The following NT5C2 variants were observed in gnomAD, a reference collection of about 807,000 sequenced individuals.
NT5C2 encodes cytosolic purine 5'-nucleotidase.
A neutral mutation model predicts 76.1 loss-of-function variants in NT5C2; 58 were observed. That is an observed-to-expected ratio of 0.76 (90% CI 0.62 to 0.95). The LOEUF (loss-of-function observed/expected upper bound fraction) is 0.95, where lower values mean the gene tolerates loss of function less well. NT5C2 is among the 40% of genes least tolerant of loss of function. NT5C2 has a pLI of 0.00. For missense variants in NT5C2, 478 were observed against 690.3 expected, an observed-to-expected ratio of 0.69 and a Z score of 3.45; for synonymous variants, 229 against 237.4, an observed-to-expected ratio of 0.96 and a Z score of 0.32.
intron 3 of NT5C2, among the ~76,000 whole-genome samples, chr10:103,164,941 T>C (rs538213362): frequency 2.0e-5 from 3 of 152,242 alleles, no homozygotes; most frequent in South Asian, 4.1e-4. Flanking sequence ...AAAGAGAGAG[T>C]GCTTTAGGAT....
intron 3 of NT5C2, among the ~76,000 whole-genome samples, chr10:103,161,322 C>A (rs2084818801): frequency 6.6e-6 from 1 of 152,004 alleles, no homozygotes; most frequent in South Asian, 2.1e-4. Context: ...GGACTACAGG[C>A]ATGCACCACC....
intron 1 of NT5C2, among the ~76,000 whole-genome samples, chr10:103,189,658 C>CT (rs959567653): frequency 1.3e-5 from 2 of 149,156 alleles, no homozygotes; most frequent in African/African-American, 2.5e-5. Context: ...ATTTTTTTAA[C>CT]TTTTTTCTTT....
At chr10:103,103,287 G>C (rs561819618) in intron 6 of NT5C2, among the ~76,000 whole-genome samples, 1 of 152,304 alleles carries the variant, frequency 6.6e-6, no homozygotes, top group East Asian at 1.9e-4. Context: ...ACTCTTCTGA[G>C]ATGAGAGTTC....
chr10:103,088,069 A>C lies in NT5C2; in HGVS notation c.*1603T>G, dbSNP rs563129336. The stretch of plus-strand genomic sequence containing the variant: ...CTTGAATATTTATTTCCTTTAAGAG[A>C]ATATCAAACTGATGTCACCAAATCT... On this transcript the variant is annotated 3_prime_UTR_variant, in exon 19 of 19. Coordinates refer to ENST00000404739, the MANE Select transcript of NT5C2 (RefSeq NM_001351169.2). 1 of 152,372 alleles carries C rather than the reference A, an allele frequency of 6.6e-6. No homozygotes were observed. Among genetic ancestry groups the C allele is most frequent in the East Asian group, 1.9e-4 (1 of 5,196 alleles). The allele number at this position is 152,372 out of a possible 1,614,324, so 9.4% of individuals were successfully genotyped here.
At chr10:103,154,601 A>AATCT (rs746740513) in intron 3 of NT5C2, among the ~76,000 whole-genome samples, 1 of 152,100 alleles carries the variant, frequency 6.6e-6, no homozygotes, top group Non-Finnish European at 1.5e-5. Context: ...TGAGCGTTTT[A>AATCT]ATCTATAAAA....
At position 103,089,324 on chromosome 10, in the gene NT5C2, C is replaced by T. The variant is rs2066114363; in HGVS notation, c.*348G>A. 8.1e-6 allele frequency: 2 copies of T among 248,142 alleles called. No individual in the cohort carries two copies. The highest frequency in any genetic ancestry group is 1.6e-5 in the Non-Finnish European group (2 of 128,752). 15.4% of individuals were successfully genotyped at this position (248,142 alleles called of 1,614,324 possible). On this transcript the variant is annotated 3_prime_UTR_variant, in exon 19 of 19. Transcript: ENST00000404739. ...GATCACCTCTTCCCACTCTTTGTTC[C>T]ACTCTGAGACTCTTTCCTTTTCCTC...
At chr10:103,178,166 T>C (rs1017365582) in intron 2 of NT5C2, among the ~76,000 whole-genome samples, 1 of 152,222 alleles carries the variant, frequency 6.6e-6, no homozygotes, top group Non-Finnish European at 1.5e-5. Flanking sequence ...GCTCTCCTTT[T>C]GTGGAAAAGT....
chr10:103,119,738 G>C (rs1005962376), intron 4 of NT5C2, among the ~76,000 whole-genome samples: 3 of 152,086 alleles, frequency 2.0e-5, no homozygotes, highest in African/African-American at 7.2e-5. Context: ...TCATCAAAGA[G>C]TTTCATCGTT....
intron 3 of NT5C2, among the ~76,000 whole-genome samples, chr10:103,161,058 A>G (rs1054204469): frequency 6.6e-6 from 1 of 152,212 alleles, no homozygotes; most frequent in East Asian, 1.9e-4. Flanking sequence ...TGGAACATTC[A>G]TACACTGCTA....
intron 1 of NT5C2, among the ~76,000 whole-genome samples, chr10:103,183,275 A>ATATATTATATATATATATAT (rs1554841686): frequency 9.5e-5 from 10 of 104,922 alleles, no homozygotes; most frequent in African/African-American, 3.2e-4. Flanking sequence ...ATATATATAT[A>ATATATTATATATATATATAT]TATATATATA....
chr10:103,178,417 T>A (rs1390208384), intron 2 of NT5C2, among the ~76,000 whole-genome samples: 1 of 151,828 alleles, frequency 6.6e-6, no homozygotes, highest in African/African-American at 2.4e-5. Context: ...TGGTGGTCCG[T>A]ATCTGTAGTC....
intron 2 of NT5C2, among the ~76,000 whole-genome samples, chr10:103,179,138 G>A (rs1020793006): frequency 4.7e-5 from 7 of 150,126 alleles, no homozygotes; most frequent in East Asian, 4.1e-4. Flanking sequence ...TAGTACAGAC[G>A]GAGTTTCACC....
chr10:103,123,957 G>A (rs2076197936), intron 4 of NT5C2, among the ~76,000 whole-genome samples: 1 of 152,036 alleles, frequency 6.6e-6, no homozygotes, highest in Non-Finnish European at 1.5e-5. Flanking sequence ...ATTTGTGAAG[G>A]GCTTAAATAA....
At chr10:103,095,567 T>C (rs1207256416) in intron 12 of NT5C2, among the ~76,000 whole-genome samples, 1 of 152,214 alleles carries the variant, frequency 6.6e-6, no homozygotes, top group African/African-American at 2.4e-5. Context: ...AGAATACACA[T>C]ACATTTTCTG....
chr10:103,180,166 T>C (rs2135186880), intron 2 of NT5C2, among the ~76,000 whole-genome samples: 1 of 152,320 alleles, frequency 6.6e-6, no homozygotes, highest in East Asian at 1.9e-4. Context: ...TTAACATCAT[T>C]TGTCACTAGG....
At chr10:103,093,823 T>G in intron 14 of NT5C2, 149 bp downstream of exon 14, 1 of 603,354 alleles carries the variant, frequency 1.7e-6, no homozygotes, top group South Asian at 2.2e-5. Flanking sequence ...AGACTCCTAT[T>G]GCATTAAGAG....
chr10:103,109,738 T>C (rs903185523), intron 4 of NT5C2, among the ~76,000 whole-genome samples: 76 of 152,282 alleles, frequency 5.0e-4, no homozygotes, highest in African/African-American at 1.8e-3. Flanking sequence ...AGAAATTAGG[T>C]AACTATAGAG....
chr10:103,101,282 T>C lies in NT5C2; in HGVS notation c.434A>G (p.Asp145Gly). 1 of 1,609,732 alleles carries C rather than the reference T, an allele frequency of 6.2e-7. No individual in the cohort carries two copies. Among genetic ancestry groups the C allele is most frequent in the Non-Finnish European group, 8.5e-7 (1 of 1,176,618 alleles). The change falls in exon 7 of 19, where the codon GAT becomes GGT. Residue 145 changes from aspartate to glycine, a missense_variant. By Grantham distance (94) the Asp-to-Gly change is moderately conservative. Transcript: ENST00000404739. Reference protein sequence around the residue: ...EQYPNKFIQRDDTERFYILNT... With the variant: ...EQYPNKFIQRGDTERFYILNT... ...CAGAATGTAAAATCTTTCAGTATCA[T>C]CTCGCTGGATAAATTTATTTGGATA...
chr10:103,191,162 C>T (rs370930329), intron 1 of NT5C2, among the ~76,000 whole-genome samples: 3 of 152,136 alleles, frequency 2.0e-5, no homozygotes, highest in African/African-American at 7.2e-5. Flanking sequence ...GAGGCCGAGG[C>T]GGGCAGATCA....
Sources: gnomAD v4.1 joint callset for allele counts (sites outside exome capture counted in the v4.1 genomes callset) on GRCh38, gnomAD v4.1.1 for gene constraint, MANE v1.5 for transcripts, NCBI Gene and HGNC (gene_info 2026-07-23, HGNC 2026-07-21) for gene names.